VTI1A: variants seen among roughly 807,000 people sequenced by gnomAD.
The protein encoded by VTI1A is vesicle transport through interaction with t-SNAREs homolog 1A.
A neutral mutation model predicts 34.9 loss-of-function variants in VTI1A; 22 were observed. The ratio of observed to expected loss-of-function variants is 0.63; its 90% CI spans 0.45 to 0.90. The LOEUF is 0.90. Ranked by LOEUF, VTI1A falls within the 40% of genes least tolerant of loss-of-function variation. VTI1A has a pLI of 0.00. For synonymous variants in VTI1A, 87 were observed against 97.3 expected (o/e 0.89, Z 0.62); for missense variants, 268 against 275.6 (o/e 0.97, Z 0.20).
At chr10:112,719,016 C>CT (rs1238170545) in intron 7 of VTI1A, among the ~76,000 whole-genome samples, 6 of 152,122 alleles carry the variant, frequency 3.9e-5, no homozygotes, top group Non-Finnish European at 7.3e-5. Context: ...CAATATGAAC[C>CT]TTTTTTTAGC....
the VTI1A span, among the ~76,000 whole-genome samples, chr10:112,850,659 G>A: frequency 2.0e-5 from 3 of 152,182 alleles, no homozygotes; most frequent in East Asian, 5.8e-4. Flanking sequence ...CTCTTATTTT[G>A]TGTTGTTTTT....
the VTI1A span, among the ~76,000 whole-genome samples, chr10:112,853,102 G>T: frequency 6.6e-6 from 1 of 152,140 alleles, no homozygotes; most frequent in Non-Finnish European, 1.5e-5. Context: ...CTTTCAAAGT[G>T]CCATGTTCTC....
chr10:112,514,328 G>T (rs1457357052), intron 3 of VTI1A, among the ~76,000 whole-genome samples: 1 of 151,630 alleles, frequency 6.6e-6, no homozygotes, highest in Non-Finnish European at 1.5e-5. Context: ...ATGATCCTTT[G>T]TATTTCAGTT....
intron 5 of VTI1A, among the ~76,000 whole-genome samples, chr10:112,643,493 T>G (rs1324679325): frequency 6.6e-6 from 1 of 152,210 alleles, no homozygotes; most frequent in Non-Finnish European, 1.5e-5. Context: ...TTGAGACCAT[T>G]GTACAAAGCC....
intron 5 of VTI1A, among the ~76,000 whole-genome samples, chr10:112,607,776 A>G (rs2134499784): frequency 6.6e-6 from 1 of 152,178 alleles, no homozygotes; most frequent in Non-Finnish European, 1.5e-5. Flanking sequence ...GGGCTGGAAA[A>G]TCTGTTTTTA....
At chr10:112,581,072 G>A (rs750488063) in intron 5 of VTI1A, among the ~76,000 whole-genome samples, 2 of 152,136 alleles carry the variant, frequency 1.3e-5, no homozygotes, top group Non-Finnish European at 2.9e-5. Context: ...CAACTCTATG[G>A]ATCACACCAG....
downstream of VTI1A, among the ~76,000 whole-genome samples, chr10:112,823,065 G>C (rs534039647): frequency 2.6e-5 from 4 of 152,310 alleles, no homozygotes; most frequent in East Asian, 3.9e-4. Context: ...TGCCCCCTGA[G>C]ATGAATGCAC....
Position 112,796,666 on chromosome 10 carries a change from A to G in VTI1A, c.561-18624A>G, listed in dbSNP as rs73352468. Among the ~76,000 whole-genome samples, 681 of 152,292 alleles carry G rather than the reference A, an allele frequency of 4.5e-3. 4 individuals are homozygous for G. Among genetic ancestry groups the G allele is most frequent in the African/African-American group, 0.016 (649 of 41,568 alleles). On this transcript the variant is annotated intron_variant, in intron 7 of 7. Transcript: ENST00000393077. The stretch of plus-strand genomic sequence containing the variant: ...AAGTCCTTGGAAGAATCACTATACT[A>G]GAGTATCTTCAAACCCTGGGAGGGA...
At position 112,556,491 on chromosome 10, in the gene VTI1A, T is replaced by G. The variant is rs1156926226; in HGVS notation, c.427+18161T>G. ...GAGGCAGAGTGATTTAAATCTGTTC[T>G]AGAAAATGGTGGTCTCATTCAGTGT... On this transcript the variant is annotated intron_variant, in intron 5 of 7. Transcript: ENST00000393077. Among the ~76,000 whole-genome samples, 3 of 152,154 alleles carry G rather than the reference T, an allele frequency of 2.0e-5. No homozygotes were observed. The East Asian group carries it at 5.8e-4, about 29-fold the overall frequency.
At position 112,732,006 on chromosome 10, in the gene VTI1A, A is replaced by G. The variant is rs75982411; in HGVS notation, c.560+63008A>G. Among the ~76,000 whole-genome samples the G allele has an allele frequency of 2.4e-3, 370 of 152,362 alleles. 1 individual carries two copies. The highest frequency in any genetic ancestry group is 8.4e-3 in the African/African-American group (351 of 41,582). ...ATTATTTGACAGCATTAATCATAAT[A>G]AAATGCATTACCCTTTACCGAATCA... On this transcript the variant is annotated intron_variant, in intron 7 of 7. Transcript: ENST00000393077.
At chr10:112,565,498 G>A (rs1300723284) in intron 5 of VTI1A, among the ~76,000 whole-genome samples, 3 of 151,966 alleles carry the variant, frequency 2.0e-5, no homozygotes, top group Non-Finnish European at 4.4e-5. Flanking sequence ...AAATAGCAGG[G>A]AAAGTCATGA....
chr10:112,826,756 T>C, the VTI1A span: 1 of 152,178 alleles, frequency 6.6e-6, no homozygotes, highest in Admixed American at 6.5e-5. Context: ...CAGAACAGTT[T>C]TCTAAGCCAC....
chr10:112,802,364 A>G (rs933968240), intron 7 of VTI1A, among the ~76,000 whole-genome samples: 1 of 152,240 alleles, frequency 6.6e-6, no homozygotes, highest in Non-Finnish European at 1.5e-5. Context: ...AAGACACACG[A>G]TTATATAAAT....
chr10:112,575,653 A>G (rs1183555254), intron 5 of VTI1A, among the ~76,000 whole-genome samples: 1 of 152,238 alleles, frequency 6.6e-6, no homozygotes, highest in Admixed American at 6.5e-5. Context: ...AACTAATTAC[A>G]AAACAAAATT....
intron 7 of VTI1A, among the ~76,000 whole-genome samples, chr10:112,770,617 A>G (rs547474420): frequency 8.3e-4 from 125 of 151,328 alleles, no homozygotes; most frequent in African/African-American, 2.9e-3. Flanking sequence ...CGTGTTAGCC[A>G]GGAAGGTCTC....
intron 5 of VTI1A, among the ~76,000 whole-genome samples, chr10:112,652,725 T>G (rs1309842530): frequency 2.2e-5 from 1 of 46,182 alleles, no homozygotes; most frequent in South Asian, 1.3e-3. Flanking sequence ...AGACCTTGTC[T>G]CAAAAAAAAA....
intron 7 of VTI1A, among the ~76,000 whole-genome samples, chr10:112,751,996 T>A (rs1480618090): frequency 2.0e-5 from 3 of 152,202 alleles, no homozygotes; most frequent in Admixed American, 6.5e-5. Flanking sequence ...ATCAGGGAAG[T>A]GATTACACAT....
intron 6 of VTI1A, among the ~76,000 whole-genome samples, 168 bp downstream of exon 6, chr10:112,668,456 G>A (rs1440423595): frequency 1.3e-5 from 2 of 152,122 alleles, no homozygotes; most frequent in African/African-American, 4.8e-5. Context: ...GCAAATAGCA[G>A]CTGACTCTAT....
chr10:112,719,421 G>T (rs377271427), intron 7 of VTI1A, among the ~76,000 whole-genome samples: 16 of 151,868 alleles, frequency 1.1e-4, no homozygotes, highest in African/African-American at 3.9e-4. Context: ...TGCTTCTATT[G>T]TTTTTTTAAC....
Sources: allele counts gnomAD v4.1 joint callset (sites outside exome capture counted in the v4.1 genomes callset), GRCh38; gene constraint gnomAD v4.1.1; transcripts MANE v1.5; gene names NCBI Gene and HGNC (gene_info 2026-07-23, HGNC 2026-07-21).